The following TDP1 variants were observed in gnomAD, a reference collection of about 807,000 sequenced individuals.
TDP1 encodes the protein tyrosyl-DNA phosphodiesterase 1.
Under a neutral mutation model 81.5 loss-of-function variants are expected in TDP1, and 64 were observed. The observed-to-expected ratio is 0.79, with a 90% confidence interval of 0.64 to 0.97. The LOEUF is 0.97. Ranked by LOEUF, TDP1 falls within the 50% of genes least tolerant of loss-of-function variation. The pLI, the probability that TDP1 is intolerant of heterozygous loss-of-function variation, is 0.00. For synonymous variants in TDP1, 256 were observed against 264.3 expected (o/e 0.97, Z 0.30); for missense variants, 723 against 743.8 (o/e 0.97, Z 0.33).
chr14:89,962,493 ATGTT>A (rs1463406250), intron 2 of TDP1, among the ~76,000 whole-genome samples: 2 of 152,140 alleles, frequency 1.3e-5, no homozygotes, highest in African/African-American at 4.8e-5. Context: ...TCAAGAATGA[ATGTT>A]TGTTTTATTT....
Position 90,044,677 on chromosome 14 carries a change from C to T in TDP1, c.*1534C>T, listed in dbSNP as rs1888651721. ...GGCTCTGCTGTATCTGTTGTACATA[C>T]TGGGATTCTGTAAAGGACATTATCT... is the stretch of plus-strand genomic sequence containing the variant. On this transcript the variant is annotated 3_prime_UTR_variant, in exon 17 of 17. Coordinates refer to ENST00000335725, the MANE Select transcript of TDP1 (RefSeq NM_018319.4). 3 of 152,174 alleles carry T rather than the reference C, an allele frequency of 2.0e-5. No homozygotes were observed. Among genetic ancestry groups the T allele is most frequent in the Admixed American group, 6.5e-5 (1 of 15,280 alleles). The allele number at this position is 152,174 out of a possible 1,614,324, so 9.4% of individuals were successfully genotyped here.
At chr14:89,964,945 A>G in intron 3 of TDP1, 1 of 391,824 alleles carries the variant, frequency 2.6e-6, no homozygotes, top group Non-Finnish European at 5.0e-6. Context: ...GCTGGTAATG[A>G]CATTCTGGCA....
chr14:90,005,488 A>G (rs1383209337), intron 14 of TDP1, among the ~76,000 whole-genome samples: 2 of 152,392 alleles, frequency 1.3e-5, no homozygotes, highest in East Asian at 3.9e-4. Flanking sequence ...TGTTAAAAGC[A>G]TTAACCATTT....
chr14:89,976,387 C>T (rs560493447), intron 7 of TDP1, among the ~76,000 whole-genome samples: 1 of 152,076 alleles, frequency 6.6e-6, no homozygotes, highest in Non-Finnish European at 1.5e-5. Context: ...GGCATGAGCC[C>T]CTGTGCTGGC....
intron 8 of TDP1, among the ~76,000 whole-genome samples, chr14:89,982,892 G>A (rs1429781864): frequency 6.6e-6 from 1 of 152,060 alleles, no homozygotes; most frequent in Non-Finnish European, 1.5e-5. Context: ...TTCATAATTG[G>A]TCTACTGTGG....
Position 90,043,420 on chromosome 14 carries a change from C to G in TDP1, c.*277C>G, listed in dbSNP as rs1349345520. On this transcript the variant is annotated 3_prime_UTR_variant, in exon 17 of 17. Coordinates refer to ENST00000335725, the MANE Select transcript of TDP1 (RefSeq NM_018319.4). Reference sequence around the variant, plus strand: ...TACGTACTGCTTGAGTATCCCCTGTCTGAAATGCTTGGGACCAGAAGTGTT... The same window carrying G: ...TACGTACTGCTTGAGTATCCCCTGTGTGAAATGCTTGGGACCAGAAGTGTT... 7.6e-6 allele frequency: 4 copies of G among 529,550 alleles called. No individual in the cohort carries two copies. The East Asian group carries it at 9.9e-5, about 13-fold the overall frequency. The allele number at this position is 529,550 out of a possible 1,614,324, so 32.8% of individuals were successfully genotyped here. A position where few individuals can be genotyped will look rare whatever the true frequency, so the allele number is the denominator to read the frequency against.
chr14:90,014,322 A>G (rs937096252), intron 14 of TDP1, among the ~76,000 whole-genome samples: 1 of 152,212 alleles, frequency 6.6e-6, no homozygotes, highest in Non-Finnish European at 1.5e-5. Context: ...TGTCTTTTCA[A>G]TCCATAAAAC....
chr14:89,959,742 G>A (rs1425727238), intron 2 of TDP1, among the ~76,000 whole-genome samples: 3 of 152,106 alleles, frequency 2.0e-5, no homozygotes, highest in African/African-American at 7.2e-5. Flanking sequence ...TTAGAAAATG[G>A]AGATAATGAT....
chr14:89,977,354 A>G (rs1295624820), intron 7 of TDP1, among the ~76,000 whole-genome samples: 1 of 152,082 alleles, frequency 6.6e-6, no homozygotes, highest in Non-Finnish European at 1.5e-5. Flanking sequence ...CTGGAGTACA[A>G]TGGCGCAATC....
intron 5 of TDP1, among the ~76,000 whole-genome samples, chr14:89,969,078 G>T (rs529794906): frequency 1.3e-5 from 2 of 152,300 alleles, no homozygotes; most frequent in African/African-American, 4.8e-5. Flanking sequence ...TGGGAGAGAG[G>T]CTTGGAACAG....
chr14:89,972,767 A>G (rs1214411854), intron 6 of TDP1, among the ~76,000 whole-genome samples: 2 of 152,266 alleles, frequency 1.3e-5, no homozygotes, highest in East Asian at 1.9e-4. Context: ...ACCTTTTCCT[A>G]TTTCTTTTGG....
At chr14:90,033,591 TAAATC>T in intron 16 of TDP1, 2 of 277,968 alleles carry the variant, frequency 7.2e-6, no homozygotes, top group East Asian at 1.6e-4. Context: ...TTGGGCAAAA[TAAATC>T]AAAGACTGTT....
intron 15 of TDP1, among the ~76,000 whole-genome samples, chr14:90,026,024 G>A (rs1255521159): frequency 6.6e-6 from 1 of 152,218 alleles, no homozygotes; most frequent in Admixed American, 6.5e-5. Context: ...CCCTGTGCTG[G>A]TCTCAGCCTC....
chr14:89,966,227 AAGT>A (rs1892931235), intron 4 of TDP1, 37 bp downstream of exon 4: 2 of 1,392,242 alleles, frequency 1.4e-6, no homozygotes, highest in Admixed American at 1.7e-5. Context: ...CTTTGGGTGA[AAGT>A]AGACAGGTAA....
rs1555382978 is a variant in TDP1, at chr14:89,963,670, A to G, written c.556A>G (p.Lys186Glu). ...GTATAACTCTGGAGCCCTCCACATC[A>G]AGGGTAAGAGGATGCTGGGTGTCAA... ...PKYNSGALHI[K>E]DILSPLFGTL... is the part of the protein sequence containing the mutation. Residue 186 changes from lysine to glutamate, a missense_variant, in exon 3 of 17, where the codon AAG becomes GAG. Lys to Glu is a moderately conservative substitution (Grantham distance 56). Transcript: ENST00000335725. 1 of 1,613,888 alleles carries G rather than the reference A, an allele frequency of 6.2e-7. No individual in the cohort carries two copies. The highest frequency in any genetic ancestry group is 8.5e-7 in the Non-Finnish European group (1 of 1,179,856).
chr14:89,976,785 C>T (rs1894392352), intron 7 of TDP1, among the ~76,000 whole-genome samples: 1 of 152,058 alleles, frequency 6.6e-6, no homozygotes, highest in South Asian at 2.1e-4. Flanking sequence ...GATCCACCCT[C>T]CTCTGCCTCC....
intron 7 of TDP1, among the ~76,000 whole-genome samples, chr14:89,976,543 T>A (rs887228354): frequency 1.3e-4 from 18 of 138,102 alleles, no homozygotes; most frequent in African/African-American, 3.4e-4. Flanking sequence ...TTTTTTTTTT[T>A]TTTTTTTTTT....
intron 14 of TDP1, among the ~76,000 whole-genome samples, chr14:89,996,520 G>T (rs1175335722): frequency 1.3e-5 from 2 of 152,136 alleles, no homozygotes; most frequent in African/African-American, 4.8e-5. Context: ...GTCCCTCCCT[G>T]TCCAGATCCT....
upstream of TDP1, chr14:89,955,243 G>C (rs1456176220): frequency 1.3e-5 from 2 of 152,306 alleles, no homozygotes. Flanking sequence ...ACTGTGCCTG[G>C]CACAAAGTAG....
Sources: allele counts gnomAD v4.1 joint callset (sites outside exome capture counted in the v4.1 genomes callset), GRCh38; gene constraint gnomAD v4.1.1; transcripts MANE v1.5; gene names NCBI Gene and HGNC (gene_info 2026-07-23, HGNC 2026-07-21).